CD2AP: variants seen among roughly 807,000 people sequenced by gnomAD.
CD2AP encodes the protein CD2-associated protein.
In CD2AP, 46 loss-of-function variants were observed where a neutral mutation model predicts 85.1. That is an observed-to-expected ratio of 0.54 (90% CI 0.43 to 0.69). CD2AP has a LOEUF of 0.69. Among genes scored for constraint, CD2AP ranks in the 30% least tolerant of loss-of-function variants. The pLI is 0.00. For missense variants in CD2AP, 769 were observed against 729.5 expected (o/e 1.05, Z -0.62); for synonymous variants, 255 against 252.9 (o/e 1.01, Z -0.08).
At chr6:47,487,622 G>A (rs1195528539) in intron 1 of CD2AP, among the ~76,000 whole-genome samples, 1 of 152,152 alleles carries the variant, frequency 6.6e-6, no homozygotes, top group Non-Finnish European at 1.5e-5. Context: ...CCCGGGAGGT[G>A]GAGCTTGCAG....
intron 2 of CD2AP, among the ~76,000 whole-genome samples, chr6:47,520,730 GTTTTTTTTT>G (rs35163088): frequency 5.8e-5 from 5 of 86,372 alleles, no homozygotes; most frequent in African/African-American, 8.8e-5. Flanking sequence ...TGGTGCTACA[GTTTTTTTTT>G]TTTTTTTTTT....
intron 2 of CD2AP, among the ~76,000 whole-genome samples, chr6:47,531,901 C>T (rs548587605): frequency 8.6e-5 from 13 of 151,880 alleles, no homozygotes; most frequent in East Asian, 3.9e-4. Flanking sequence ...GGTGAAACTC[C>T]GTCTCTACTA....
At chr6:47,552,680 G>C (rs1323571006) in intron 4 of CD2AP, among the ~76,000 whole-genome samples, 1 of 152,182 alleles carries the variant, frequency 6.6e-6, no homozygotes, top group Non-Finnish European at 1.5e-5. Flanking sequence ...GTTGTTGCCA[G>C]TTGGGGTTCC....
At chr6:47,594,019 C>G (rs1768869943) in intron 11 of CD2AP, among the ~76,000 whole-genome samples, 1 of 151,984 alleles carries the variant, frequency 6.6e-6, no homozygotes, top group South Asian at 2.1e-4. Flanking sequence ...AAACATTGGG[C>G]TAAGCGAAAG....
chr6:47,487,486 C>T (rs900944986), intron 1 of CD2AP, among the ~76,000 whole-genome samples: 13 of 152,140 alleles, frequency 8.5e-5, no homozygotes, highest in South Asian at 2.1e-4. Flanking sequence ...GTCAGGAGAT[C>T]GAGACCATCC....
chr6:47,557,177 T>A (rs986968673), intron 5 of CD2AP, among the ~76,000 whole-genome samples: 1 of 151,722 alleles, frequency 6.6e-6, no homozygotes, highest in Non-Finnish European at 1.5e-5. Context: ...GAGTTTTTTT[T>A]TTTTTTCTTG....
intron 1 of CD2AP, among the ~76,000 whole-genome samples, chr6:47,500,146 C>T (rs1168423336): frequency 4.6e-5 from 7 of 152,210 alleles, no homozygotes; most frequent in Non-Finnish European, 8.8e-5. Flanking sequence ...AATAGCTGTA[C>T]TAGTTTTCCT....
intron 8 of CD2AP, among the ~76,000 whole-genome samples, chr6:47,577,980 A>G (rs904046458): frequency 6.6e-6 from 1 of 152,200 alleles, no homozygotes; most frequent in Non-Finnish European, 1.5e-5. Context: ...TAGGATACGT[A>G]GTAATAAAAA....
At chr6:47,499,309 G>GCA (rs1337339652) in intron 1 of CD2AP, among the ~76,000 whole-genome samples, 1 of 151,012 alleles carries the variant, frequency 6.6e-6, no homozygotes, top group Non-Finnish European at 1.5e-5. Flanking sequence ...GTATGTGCAT[G>GCA]TGTGTGTGTG....
chr6:47,485,887 C>A (rs1416140167), intron 1 of CD2AP, among the ~76,000 whole-genome samples: 1 of 152,058 alleles, frequency 6.6e-6, no homozygotes, highest in Non-Finnish European at 1.5e-5. Context: ...ATAGGCTATA[C>A]CCTATAGCTT....
intron 2 of CD2AP, among the ~76,000 whole-genome samples, chr6:47,516,095 G>A (rs913816289): frequency 1.3e-5 from 2 of 152,128 alleles, no homozygotes; most frequent in Non-Finnish European, 1.5e-5. Flanking sequence ...TACAGTTTAA[G>A]GAAATTAGGA....
intron 3 of CD2AP, among the ~76,000 whole-genome samples, chr6:47,538,992 G>C (rs899628570): frequency 6.6e-6 from 1 of 152,064 alleles, no homozygotes; most frequent in Non-Finnish European, 1.5e-5. Flanking sequence ...TTGAACTCTT[G>C]TGTGTCAAAT....
intron 2 of CD2AP, among the ~76,000 whole-genome samples, chr6:47,519,649 T>C (rs1208177915): frequency 6.6e-6 from 1 of 152,210 alleles, no homozygotes; most frequent in African/African-American, 2.4e-5. Flanking sequence ...TGTATGTAGA[T>C]ATATAGTGGA....
At chr6:47,524,487 A>AT (rs1159633001) in intron 2 of CD2AP, among the ~76,000 whole-genome samples, 4 of 152,150 alleles carry the variant, frequency 2.6e-5, no homozygotes, top group Non-Finnish European at 5.9e-5. Context: ...TGGAAATGAC[A>AT]TTTTTTAGAT....
intron 15 of CD2AP, 74 bp downstream of exon 15, chr6:47,608,102 G>A: frequency 9.6e-7 from 1 of 1,046,502 alleles, no homozygotes; most frequent in African/African-American, 1.6e-5. Context: ...GGGAATTTAA[G>A]GTGTTCTTTA....
At chr6:47,603,747 TTTTC>T (rs1769202764) in intron 13 of CD2AP, among the ~76,000 whole-genome samples, 1 of 152,096 alleles carries the variant, frequency 6.6e-6, no homozygotes, top group African/African-American at 2.4e-5. Flanking sequence ...TATCCTTGAC[TTTTC>T]TTTCCAGATT....
chr6:47,541,747 G>A (rs1354147772), intron 3 of CD2AP, among the ~76,000 whole-genome samples: 10 of 152,194 alleles, frequency 6.6e-5, no homozygotes, highest in Non-Finnish European at 1.0e-4. Context: ...TATGGCCCAG[G>A]AAATTGATTC....
rs542265233 is a variant in CD2AP at position 47,581,597 on chromosome 6, G to C, written c.1046-406G>C. Among the ~76,000 whole-genome samples the C allele has an allele frequency of 2.0e-5, 3 of 152,148 alleles. No homozygotes were observed. In the East Asian group the frequency reaches 5.8e-4, roughly 29 times the overall value. ...TTTATATAGCTTTACTCTTCAATGT[G>C]GTAGCCACTAACCATGTGTGGCTTT... On this transcript the variant is annotated intron_variant, in intron 10 of 17. Transcript: ENST00000359314.
chr6:47,545,714 A>C (rs1163676647), intron 4 of CD2AP, among the ~76,000 whole-genome samples: 1 of 152,190 alleles, frequency 6.6e-6, no homozygotes, highest in African/African-American at 2.4e-5. Flanking sequence ...GACAACCCCC[A>C]GTACCAGCCC....
Sources: gnomAD v4.1 joint callset for allele counts (sites outside exome capture counted in the v4.1 genomes callset) on GRCh38, gnomAD v4.1.1 for gene constraint, MANE v1.5 for transcripts, NCBI Gene and HGNC (gene_info 2026-07-23, HGNC 2026-07-21) for gene names.